The following XKR6 variants were observed in gnomAD, a reference collection of about 807,000 sequenced individuals.
The protein encoded by XKR6 is XK related 6.
In XKR6, 22 loss-of-function variants were observed where a neutral mutation model predicts 56.7. That is an observed-to-expected ratio of 0.39 (90% confidence interval 0.28 to 0.55). The LOEUF (loss-of-function observed/expected upper bound fraction) is 0.55. Ranked by LOEUF, XKR6 falls within the 20% of genes least tolerant of loss-of-function variation. The probability of loss-of-function intolerance (pLI) is 0.66; values close to 1 mark genes in which losing one functional copy is unlikely to be tolerated. For missense variants in XKR6, 852 were observed against 889.0 expected, an observed-to-expected ratio of 0.96 and a Z score of 0.53; for synonymous variants, 524 against 387.8, an observed-to-expected ratio of 1.35 and a Z score of -4.13.
chr8:11,075,374 G>T (rs1052137510), intron 1 of XKR6, among the ~76,000 whole-genome samples: 6 of 152,092 alleles, frequency 3.9e-5, no homozygotes, highest in Non-Finnish European at 1.5e-5. Context: ...CTCCTTCCAG[G>T]GTTAGGGGTT....
intron 1 of XKR6, among the ~76,000 whole-genome samples, chr8:11,170,775 C>G (rs1486809264): frequency 6.6e-6 from 1 of 152,152 alleles, no homozygotes; most frequent in African/African-American, 2.4e-5. Context: ...AGTACTGAAG[C>G]AAAATCTCAG....
chr8:11,119,729 C>T (rs531660697), intron 1 of XKR6, among the ~76,000 whole-genome samples: 63 of 152,102 alleles, frequency 4.1e-4, no homozygotes, highest in African/African-American at 1.5e-3. Context: ...TTCCTGAATA[C>T]AACATACTGA....
At position 11,135,509 on chromosome 8, in the gene XKR6, T is replaced by C. The variant is rs372489028; in HGVS notation, c.764+65067A>G. Among the ~76,000 whole-genome samples the C allele has an allele frequency of 3.9e-5, 6 of 152,346 alleles. No homozygotes were observed. In the South Asian group the frequency reaches 8.3e-4, roughly 21 times the overall value. ...TAGGACTGGAAGACCCAAAGAAAGA[T>C]GACTTTTACTATAGTTTAAATAGTT... On this transcript the variant is annotated intron_variant, in intron 1 of 2. Transcript: ENST00000416569.
chr8:11,125,474 G>A (rs1236116979), intron 1 of XKR6, among the ~76,000 whole-genome samples: 2 of 152,150 alleles, frequency 1.3e-5, no homozygotes, highest in African/African-American at 4.8e-5. Flanking sequence ...CAGAACAGGT[G>A]GGAGCTTACT....
At chr8:11,073,142 G>A (rs889429961) in intron 1 of XKR6, among the ~76,000 whole-genome samples, 3 of 152,192 alleles carry the variant, frequency 2.0e-5, no homozygotes, top group Non-Finnish European at 2.9e-5. Flanking sequence ...CCTGAGAAAG[G>A]CAATCATTCA....
intron 1 of XKR6, among the ~76,000 whole-genome samples, chr8:10,954,658 T>G (rs1021249899): frequency 3.3e-5 from 5 of 152,316 alleles, no homozygotes; most frequent in African/African-American, 1.2e-4. Context: ...TTTTTAATTT[T>G]GATGAAGTCT....
rs3062751 is a variant in XKR6, at chr8:11,063,201, CTAAATAAA to C, written c.764+137367_764+137374del. ...AACATAAGTGAGACCCCGTCTCTAC[CTAAATAAA>C]TAAATAAATAAATAAGGTAACATAA... On this transcript the variant is annotated intron_variant, in intron 1 of 2. Transcript: ENST00000416569. 1.9e-4 allele frequency among the ~76,000 whole-genome samples: 28 copies of C among 149,942 alleles called. 1 individual carries two copies. Among genetic ancestry groups the C allele is most frequent in the African/African-American group, 3.4e-4 (14 of 40,580 alleles).
At chr8:11,111,378 G>A (rs1798882907) in intron 1 of XKR6, among the ~76,000 whole-genome samples, 1 of 152,060 alleles carries the variant, frequency 6.6e-6, no homozygotes, top group Non-Finnish European at 1.5e-5. Flanking sequence ...TTAAAAACTG[G>A]TAGCACTGTG....
At chr8:11,101,407 G>A (rs1479594058) in intron 1 of XKR6, among the ~76,000 whole-genome samples, 1 of 152,170 alleles carries the variant, frequency 6.6e-6, no homozygotes, top group Non-Finnish European at 1.5e-5. Context: ...GACAATGAAT[G>A]GAGTATTAGC....
intron 1 of XKR6, among the ~76,000 whole-genome samples, chr8:10,990,893 G>GTTTTT (rs1419173111): frequency 1.2e-5 from 1 of 82,168 alleles, no homozygotes; most frequent in African/African-American, 7.1e-5. Context: ...ACTGGGGAAT[G>GTTTTT]TCTTTTTTTT....
intron 1 of XKR6, among the ~76,000 whole-genome samples, chr8:11,086,149 T>TATATATA (rs1554454135): frequency 0.12 from 12,036 of 100,550 alleles, 626 homozygotes; most frequent in Non-Finnish European, 0.18. Context: ...TATATATATA[T>TATATATA]TTTTTTTTAA....
intron 1 of XKR6, among the ~76,000 whole-genome samples, chr8:11,065,820 G>A (rs943005440): frequency 2.6e-5 from 4 of 152,154 alleles, no homozygotes; most frequent in Admixed American, 2.0e-4. Context: ...CACAGCAGCT[G>A]TCCTCAAATA....
chr8:11,146,433 T>C (rs1317878849), intron 1 of XKR6, among the ~76,000 whole-genome samples: 2 of 152,172 alleles, frequency 1.3e-5, no homozygotes, highest in Non-Finnish European at 1.5e-5. Flanking sequence ...CAATACCAGC[T>C]TGGGCAACAC....
intron 1 of XKR6, among the ~76,000 whole-genome samples, chr8:10,944,944 A>T (rs918874826): frequency 2.6e-5 from 4 of 152,214 alleles, no homozygotes; most frequent in African/African-American, 9.6e-5. Flanking sequence ...CCCAGGGGAC[A>T]TGGCAGAGGA....
At chr8:10,984,732 C>CTCTCTCTCTCTA in intron 1 of XKR6, among the ~76,000 whole-genome samples, 20 of 47,478 alleles carry the variant, frequency 4.2e-4, no homozygotes, top group African/African-American at 1.4e-3. Flanking sequence ...CTCTCTCTCT[C>CTCTCTCTCTCTA]TATATATATA....
intron 1 of XKR6, among the ~76,000 whole-genome samples, chr8:10,952,973 C>T (rs1207195360): frequency 6.6e-6 from 1 of 152,126 alleles, no homozygotes; most frequent in Non-Finnish European, 1.5e-5. Flanking sequence ...TGCGAGGGAT[C>T]TAGGCTGCGC....
intron 1 of XKR6, among the ~76,000 whole-genome samples, chr8:11,039,165 A>C (rs1260957964): frequency 1.3e-5 from 2 of 152,230 alleles, no homozygotes; most frequent in Non-Finnish European, 1.5e-5. Flanking sequence ...CGCCCCACTC[A>C]GCTGCCCTAG....
intron 1 of XKR6, among the ~76,000 whole-genome samples, chr8:11,161,883 T>C (rs534587328): frequency 8.3e-4 from 126 of 152,314 alleles, no homozygotes; most frequent in African/African-American, 2.5e-3. Context: ...AGGGTTAGCT[T>C]GCCTTTCTAA....
chr8:11,105,513 G>C (rs150746705), intron 1 of XKR6: 1 of 152,326 alleles, frequency 6.6e-6, no homozygotes, highest in East Asian at 1.9e-4. Context: ...CAAGAAGGGG[G>C]TCTCCCCTCA....
Sources: allele counts gnomAD v4.1 joint callset (sites outside exome capture counted in the v4.1 genomes callset), GRCh38; gene constraint gnomAD v4.1.1; transcripts MANE v1.5; gene names NCBI Gene and HGNC (gene_info 2026-07-23, HGNC 2026-07-21).